ADGRL4: variants seen among roughly 807,000 people sequenced by gnomAD.
The protein encoded by ADGRL4 is adhesion G protein-coupled receptor L4, also known as EGF, latrophilin and seven transmembrane domain containing 1.
A neutral mutation model predicts 74.8 loss-of-function variants in ADGRL4; 90 were observed. That is an observed-to-expected ratio of 1.20 (90% CI 1.02 to 1.43). ADGRL4 has a LOEUF of 1.43. Ranked by LOEUF, ADGRL4 falls within the 40% of genes most tolerant of loss-of-function variation. The pLI is 0.00. For synonymous variants in ADGRL4, 311 were observed against 279.2 expected (o/e 1.11, Z -1.14); for missense variants, 881 against 814.3 (o/e 1.08, Z -1.00).
intron 2 of ADGRL4, among the ~76,000 whole-genome samples, chr1:78,949,381 C>A (rs927371108): frequency 6.6e-6 from 1 of 152,106 alleles, no homozygotes; most frequent in African/African-American, 2.4e-5. Context: ...CGCTTGACCT[C>A]TTTGCTTTCT....
intron 2 of ADGRL4, among the ~76,000 whole-genome samples, chr1:79,002,269 T>A (rs1024977271): frequency 3.9e-5 from 6 of 152,060 alleles, no homozygotes; most frequent in Non-Finnish European, 8.8e-5. Context: ...ATCTCAAAAG[T>A]TTTCAAATTG....
intron 2 of ADGRL4, among the ~76,000 whole-genome samples, chr1:78,993,379 A>G (rs910721625): frequency 1.3e-5 from 2 of 152,128 alleles, no homozygotes. Context: ...AACCTATAAA[A>G]CCTCATCTTA....
intron 10 of ADGRL4, 49 bp from the exon 11 acceptor site, chr1:78,918,099 A>T: frequency 6.8e-7 from 1 of 1,468,550 alleles, no homozygotes; most frequent in Non-Finnish European, 9.4e-7. Context: ...TTGTTTTAAA[A>T]TTATCATAAC....
intron 2 of ADGRL4, among the ~76,000 whole-genome samples, chr1:78,991,240 T>C (rs765501975): frequency 9.9e-5 from 15 of 152,070 alleles, no homozygotes; most frequent in Non-Finnish European, 1.9e-4. Context: ...TGATGTTATA[T>C]ACACAAAAGA....
intron 2 of ADGRL4, among the ~76,000 whole-genome samples, chr1:78,962,306 C>G (rs998030789): frequency 1.3e-5 from 2 of 152,134 alleles, no homozygotes; most frequent in Admixed American, 6.6e-5. Context: ...GCGGACACTC[C>G]TACATATTTT....
At chr1:78,991,775 A>G (rs901257628) in intron 2 of ADGRL4, among the ~76,000 whole-genome samples, 6 of 152,034 alleles carry the variant, frequency 3.9e-5, no homozygotes, top group Non-Finnish European at 8.8e-5. Flanking sequence ...GAAGGAGATT[A>G]TTTCTGCTCC....
chr1:78,920,201 G>A lies in ADGRL4; in HGVS notation c.1443C>T (p.Ile481=). The part of the protein sequence containing the change: ...FLAELVFLVG[I]NTNTNKLFCS... Reference sequence around the variant, plus strand: ...TACATACCTTATTAGTATTTGTATTGATCCCAACAAGAAAAACAAGTTCAG... The same window carrying A: ...TACATACCTTATTAGTATTTGTATTAATCCCAACAAGAAAAACAAGTTCAG... The change falls in exon 10 of 15, where the codon ATC becomes ATT. Residue 481 remains isoleucine, a synonymous_variant. Coordinates refer to ENST00000370742, the MANE Select transcript of ADGRL4 (RefSeq NM_022159.4). 6.2e-7 allele frequency: 1 copy of A among 1,610,892 alleles called. No homozygotes were observed. The highest frequency in any genetic ancestry group is 8.5e-7 in the Non-Finnish European group (1 of 1,178,292).
chr1:78,916,094 T>G (rs954982198), intron 12 of ADGRL4, among the ~76,000 whole-genome samples: 4 of 151,802 alleles, frequency 2.6e-5, no homozygotes, highest in Admixed American at 6.6e-5. Context: ...TAGAAAAGTT[T>G]TCAGGACTCA....
intron 9 of ADGRL4, among the ~76,000 whole-genome samples, chr1:78,921,053 C>T (rs1338398958): frequency 7.3e-6 from 1 of 136,322 alleles, no homozygotes; most frequent in African/African-American, 2.7e-5. Flanking sequence ...TAGCACAGAG[C>T]TATAAAATAA....
At chr1:78,913,036 A>C (rs1479223689) in intron 12 of ADGRL4, among the ~76,000 whole-genome samples, 2 of 152,144 alleles carry the variant, frequency 1.3e-5, no homozygotes, top group African/African-American at 4.8e-5. Context: ...ATATGAAAAA[A>C]TGTTCACTGT....
At chr1:78,906,149 G>A (rs1472397887) in intron 12 of ADGRL4, among the ~76,000 whole-genome samples, 2 of 151,988 alleles carry the variant, frequency 1.3e-5, no homozygotes, top group Non-Finnish European at 2.9e-5. Flanking sequence ...CACACTGGTA[G>A]GCCACAACTA....
intron 3 of ADGRL4, among the ~76,000 whole-genome samples, chr1:78,940,165 T>G (rs1242395666): frequency 1.3e-5 from 2 of 152,144 alleles, no homozygotes; most frequent in Non-Finnish European, 2.9e-5. Flanking sequence ...TTTTCTAGTA[T>G]TAAACTAAAC....
intron 2 of ADGRL4, among the ~76,000 whole-genome samples, chr1:78,962,298 G>A (rs777382278): frequency 5.9e-5 from 9 of 152,118 alleles, no homozygotes; most frequent in Non-Finnish European, 7.4e-5. Flanking sequence ...CTGCCACTGC[G>A]GACACTCCTA....
At chr1:78,965,244 A>G (rs1650031360) in intron 2 of ADGRL4, among the ~76,000 whole-genome samples, 1 of 152,152 alleles carries the variant, frequency 6.6e-6, no homozygotes, top group Non-Finnish European at 1.5e-5. Flanking sequence ...ACCCAATAAA[A>G]CTAATTTGTA....
chr1:78,889,894 C>A lies in ADGRL4; in HGVS notation c.*1260G>T. The A allele has an allele frequency of 2.3e-6, 1 of 443,928 alleles. No individual in the cohort carries two copies. Among genetic ancestry groups the A allele is most frequent in the South Asian group, 1.7e-5 (1 of 59,290 alleles). The allele number at this position is 443,928 out of a possible 1,614,324, so 27.5% of individuals were successfully genotyped here. A position where few individuals can be genotyped will look rare whatever the true frequency, so the allele number is the denominator to read the frequency against. On this transcript the variant is annotated 3_prime_UTR_variant, in exon 15 of 15. Coordinates refer to ENST00000370742, the MANE Select transcript of ADGRL4 (RefSeq NM_022159.4). ...TTACAGGTCGGCAAAGAAAAATTAC[C>A]TATTTTTGAGATCAAAATCACTGCT...
intron 2 of ADGRL4, among the ~76,000 whole-genome samples, chr1:78,997,565 C>T (rs1650742617): frequency 6.6e-6 from 1 of 152,004 alleles, no homozygotes; most frequent in East Asian, 1.9e-4. Context: ...TACATAGAAG[C>T]CTCTTCTAAA....
intron 7 of ADGRL4, among the ~76,000 whole-genome samples, chr1:78,935,265 A>G (rs530883410): frequency 6.6e-6 from 1 of 152,304 alleles, no homozygotes; most frequent in East Asian, 1.9e-4. Context: ...GACTTTGATG[A>G]GAGCTGGAAG....
chr1:78,894,251 T>C (rs1262813261), intron 12 of ADGRL4, among the ~76,000 whole-genome samples: 1 of 151,874 alleles, frequency 6.6e-6, no homozygotes, highest in African/African-American at 2.4e-5. Context: ...TATTGTAGTA[T>C]TACAAACAGC....
chr1:78,906,706 A>T (rs1411395989), intron 12 of ADGRL4, among the ~76,000 whole-genome samples: 1 of 152,050 alleles, frequency 6.6e-6, no homozygotes, highest in Non-Finnish European at 1.5e-5. Context: ...TAAGAATCAA[A>T]CATTTCAAAG....
Sources: allele counts gnomAD v4.1 joint callset (sites outside exome capture counted in the v4.1 genomes callset), GRCh38; gene constraint gnomAD v4.1.1; transcripts MANE v1.5; gene names NCBI Gene and HGNC (gene_info 2026-07-23, HGNC 2026-07-21).